The following CABIN1 variants were observed in gnomAD, a reference collection of about 807,000 sequenced individuals.
CABIN1 encodes the protein calcineurin-binding protein cabin-1.
In CABIN1, 133 loss-of-function variants were observed where a neutral mutation model predicts 227.7. The ratio of observed to expected loss-of-function variants is 0.58; its 90% CI spans 0.51 to 0.67. CABIN1 has a LOEUF of 0.67. Ranked by LOEUF, CABIN1 falls within the 30% of genes least tolerant of loss-of-function variation. The pLI is 0.00. For missense variants in CABIN1, 2,408 were observed against 2,852.5 expected (o/e 0.84, Z 3.55); for synonymous variants, 1,086 against 1,155.1 (o/e 0.94, Z 1.21).
chr22:24,085,672 G>A (rs957299456), intron 22 of CABIN1, among the ~76,000 whole-genome samples: 15 of 152,234 alleles, frequency 9.9e-5, no homozygotes, highest in Non-Finnish European at 1.9e-4. Flanking sequence ...TGCACATGAA[G>A]CTCATGCTCT....
intron 29 of CABIN1, among the ~76,000 whole-genome samples, chr22:24,153,427 G>A (rs1272000611): frequency 6.6e-6 from 1 of 152,136 alleles, no homozygotes; most frequent in Non-Finnish European, 1.5e-5. Context: ...TCCTGCATAG[G>A]GTGCTGACAG....
At chr22:24,048,427 TTTTTTTTCCTTGAA>T (rs1435437104) in intron 6 of CABIN1, among the ~76,000 whole-genome samples, 1 of 152,074 alleles carries the variant, frequency 6.6e-6, no homozygotes, top group Non-Finnish European at 1.5e-5. Context: ...TTTGAGATTT[TTTTTTTTCCTTGAA>T]ACAGGGTCTC....
chr22:24,076,429 T>G, intron 19 of CABIN1, 145 bp downstream of exon 19: 2 of 708,798 alleles, frequency 2.8e-6, no homozygotes, highest in Admixed American at 2.0e-5. Flanking sequence ...TTTGACTTAC[T>G]GCATTTCTCA....
chr22:24,020,381 G>T (rs970604937), intron 1 of CABIN1, among the ~76,000 whole-genome samples: 4 of 152,014 alleles, frequency 2.6e-5, no homozygotes, highest in Non-Finnish European at 5.9e-5. Context: ...GCATACAGTG[G>T]TGCAATTACT....
chr22:24,172,278 CGT>C (rs1569323279), intron 34 of CABIN1, among the ~76,000 whole-genome samples: 1 of 152,194 alleles, frequency 6.6e-6, no homozygotes, highest in East Asian at 1.9e-4. Flanking sequence ...CCATCACGGA[CGT>C]GTTTGCTACT....
intron 10 of CABIN1, among the ~76,000 whole-genome samples, chr22:24,057,164 C>T (rs2082153422): frequency 6.6e-6 from 1 of 152,164 alleles, no homozygotes; most frequent in African/African-American, 2.4e-5. Context: ...TCTTGATCTC[C>T]TGACCTCGTA....
intron 25 of CABIN1, among the ~76,000 whole-genome samples, chr22:24,096,575 CCTGGA>C (rs1055413210): frequency 6.6e-6 from 1 of 152,078 alleles, no homozygotes; most frequent in African/African-American, 2.4e-5. Flanking sequence ...TCTCAGTGGG[CCTGGA>C]CTGACCCCAG....
In CABIN1 at chr22:24,177,737, G is replaced by C. The variant is rs747008019; in HGVS notation, c.6439G>C (p.Glu2147Gln). The C allele has an allele frequency of 1.9e-6, 3 of 1,612,424 alleles. No individual in the cohort carries two copies. In the African/African-American group the frequency reaches 4.0e-5, roughly 22 times the overall value. Reference protein sequence around the residue: ...IPSAATKFPPEITVTPPTPTL... With the variant: ...IPSAATKFPPQITVTPPTPTL... ...CTCCGCCGCCACCAAGTTCCCCCCTGAGATCACCGTCACGCCACCCACCCC... is the reference window on the plus strand; with the variant it reads ...CTCCGCCGCCACCAAGTTCCCCCCTCAGATCACCGTCACGCCACCCACCCC... The change falls in exon 36 of 37, where the codon GAG becomes CAG. Residue 2147 changes from glutamate to glutamine, a missense_variant. By Grantham distance (29) the Glu-to-Gln change is conservative. Transcript: ENST00000263119. This position sits in a 1 kb window ranked among gnomAD's most constrained non-coding sequence, Gnocchi z 4.4.
At chr22:24,145,573 G>A (rs1202576757) in intron 29 of CABIN1, among the ~76,000 whole-genome samples, 1 of 152,166 alleles carries the variant, frequency 6.6e-6, no homozygotes, top group Non-Finnish European at 1.5e-5. Flanking sequence ...GGGCTTGGGG[G>A]ACCTGGTGCT....
rs1569333946 is a variant in CABIN1 at position 24,178,158 on chromosome 22, A to G, written c.6625A>G (p.Ser2209Gly). The G allele has an allele frequency of 6.2e-7, 1 of 1,613,416 alleles. No homozygotes were observed. Among genetic ancestry groups the G allele is most frequent in the African/African-American group, 1.3e-5 (1 of 74,894 alleles). Residue 2209 changes from serine to glycine, a missense_variant, in exon 37 of 37, where the codon AGC (serine) becomes GGC (glycine). Physicochemically the swap from Ser to Gly is moderately conservative, Grantham distance 56 (BLOSUM62 0). This residue lies in a region of CABIN1 where 714 missense variants were observed against 773.8 expected (regional missense o/e 0.92). Transcript: ENST00000263119. ...ATCCAGCCAGGAGTCCTCGCTGGAG[A>G]GCGAGACAGACGAGGACGACGACTA... is the stretch of plus-strand genomic sequence containing the variant. ...ETSSQESSLE[S>G]ETDEDDDYMD...
chr22:24,133,722 G>T (rs2044217551), intron 28 of CABIN1, among the ~76,000 whole-genome samples: 1 of 152,202 alleles, frequency 6.6e-6, no homozygotes, highest in Admixed American at 6.5e-5. Flanking sequence ...GGGAAGGCCT[G>T]CTCTATGGGC....
At chr22:24,055,261 ATGC>A in intron 9 of CABIN1, 102 bp downstream of exon 9, 2 of 1,330,776 alleles carry the variant, frequency 1.5e-6, no homozygotes, top group Non-Finnish European at 2.1e-6. Context: ...CAGAAGGGTC[ATGC>A]TGATGCTCAT....
At chr22:24,108,751 A>C (rs2042650099) in intron 26 of CABIN1, among the ~76,000 whole-genome samples, 2 of 152,098 alleles carry the variant, frequency 1.3e-5, no homozygotes, top group African/African-American at 2.4e-5. Context: ...CACAGACCTG[A>C]TCCTCAGTAT....
At chr22:24,169,253 C>T (rs1345071360) in intron 33 of CABIN1, among the ~76,000 whole-genome samples, 1 of 152,060 alleles carries the variant, frequency 6.6e-6, no homozygotes. Context: ...AGCCTCCAAG[C>T]CAGAGGGTAG....
At chr22:24,082,946 C>G (rs2040905309) in intron 19 of CABIN1, among the ~76,000 whole-genome samples, 1 of 152,168 alleles carries the variant, frequency 6.6e-6, no homozygotes, top group Non-Finnish European at 1.5e-5. Context: ...CTTCTGGTGG[C>G]TGGTAGAAAT....
intron 8 of CABIN1, among the ~76,000 whole-genome samples, chr22:24,054,042 TGA>T (rs1405565771): frequency 1.3e-5 from 2 of 152,064 alleles, no homozygotes; most frequent in East Asian, 3.9e-4. Flanking sequence ...CAGTGGCATG[TGA>T]GAGTGTGATT....
chr22:24,054,964 T>G lies in CABIN1; in HGVS notation c.898T>G (p.Leu300Val). 1 of 1,614,182 alleles carries G rather than the reference T, an allele frequency of 6.2e-7. No individual in the cohort carries two copies. The highest frequency in any genetic ancestry group is 8.5e-7 in the Non-Finnish European group (1 of 1,180,032). The change falls in exon 9 of 37, where the codon TTG (leucine) becomes GTG (valine). Residue 300 changes from leucine to valine, a missense_variant. Coordinates refer to ENST00000263119, the MANE Select transcript of CABIN1 (RefSeq NM_012295.4). ...PRPSLGKRIDLSDYQDPSQPL... is the reference protein window; with the variant it reads ...PRPSLGKRIDVSDYQDPSQPL... Reference sequence around the variant, plus strand: ...TCCCAGCCTTGGCAAAAGGATTGATTTGTCGGACTACCAGGACCCCAGCCA... The same window carrying G: ...TCCCAGCCTTGGCAAAAGGATTGATGTGTCGGACTACCAGGACCCCAGCCA...
At chr22:24,173,921 T>G (rs1318862131) in intron 34 of CABIN1, among the ~76,000 whole-genome samples, 1 of 152,082 alleles carries the variant, frequency 6.6e-6, no homozygotes, top group East Asian at 1.9e-4. Flanking sequence ...ATAAAATGGA[T>G]AAGATGAAGA....
chr22:24,151,612 G>A (rs976269384), intron 29 of CABIN1, among the ~76,000 whole-genome samples: 11 of 152,156 alleles, frequency 7.2e-5, no homozygotes, highest in Admixed American at 4.6e-4. Context: ...GAGGGGCCCA[G>A]TATAAGCATC....
Sources: gnomAD v4.1 joint callset for allele counts (sites outside exome capture counted in the v4.1 genomes callset) on GRCh38, gnomAD v4.1.1 for gene constraint, gnomAD v4.1.1 regional missense constraint, Gnocchi (gnomAD v3.1) non-coding constraint, MANE v1.5 for transcripts, NCBI Gene and HGNC (gene_info 2026-07-23, HGNC 2026-07-21) for gene names.